The following NPFFR2 variants were observed in gnomAD, a reference collection of about 807,000 sequenced individuals.
The protein encoded by NPFFR2 is G-protein coupled receptor 74.
In NPFFR2, 15 loss-of-function variants were observed where a neutral mutation model predicts 13.1. The observed-to-expected ratio is 1.15, with a 90% CI of 0.77 to 1.76. NPFFR2 has a LOEUF of 1.76. NPFFR2 is among the 40% of genes most tolerant of loss of function. The pLI, the probability that NPFFR2 is intolerant of heterozygous loss-of-function variation, is 0.00. For synonymous variants in NPFFR2, 190 were observed against 175.7 expected (o/e 1.08, Z -0.65); for missense variants, 572 against 503.5 (o/e 1.14, Z -1.30).
At position 72,081,233 on chromosome 4, in the gene NPFFR2, A is replaced by G. The variant is rs1720608449; in HGVS notation, c.-7-47352A>G. On this transcript the variant is annotated intron_variant, in intron 1 of 3. Coordinates refer to ENST00000308744, the MANE Select transcript of NPFFR2 (RefSeq NM_004885.3). ...AAATTTTATTAAAACGATTATTCCC[A>G]TTTGTTTCTGTATCATCTGTGGCTG... Among the ~76,000 whole-genome samples the G allele has an allele frequency of 3.9e-5, 6 of 152,152 alleles. No homozygotes were observed. The South Asian group carries it at 1.2e-3, about 32-fold the overall frequency.
chr4:72,132,364 G>A (rs968538789), intron 2 of NPFFR2, among the ~76,000 whole-genome samples: 6 of 152,184 alleles, frequency 3.9e-5, no homozygotes, highest in African/African-American at 7.2e-5. Context: ...ATTCCATGGT[G>A]TATATCTACC....
chr4:72,098,983 G>T (rs1721150207), intron 1 of NPFFR2, among the ~76,000 whole-genome samples: 1 of 152,150 alleles, frequency 6.6e-6, no homozygotes, highest in Non-Finnish European at 1.5e-5. Flanking sequence ...TAGCACTGTG[G>T]TATGCAGCAT....
At chr4:72,098,823 G>A (rs1023587267) in intron 1 of NPFFR2, among the ~76,000 whole-genome samples, 6 of 152,054 alleles carry the variant, frequency 3.9e-5, no homozygotes, top group Admixed American at 1.3e-4. Context: ...ACAATATACC[G>A]TTCCATGAGG....
intron 1 of NPFFR2, among the ~76,000 whole-genome samples, chr4:72,037,699 C>T (rs1375616981): frequency 6.6e-6 from 1 of 152,164 alleles, no homozygotes; most frequent in Non-Finnish European, 1.5e-5. Flanking sequence ...CTTGGGTAGC[C>T]GTTTATATCA....
intron 1 of NPFFR2, among the ~76,000 whole-genome samples, chr4:72,047,088 G>A (rs1337594267): frequency 6.6e-6 from 1 of 152,044 alleles, no homozygotes; most frequent in Non-Finnish European, 1.5e-5. Context: ...ACAGTGAGAC[G>A]TGAGGGATGA....
rs534362383 is a variant in NPFFR2 at position 72,128,882 on chromosome 4, C to G, written c.291C>G (p.Phe97Leu). 1.2e-6 allele frequency: 2 copies of G among 1,613,720 alleles called. No homozygotes were observed. The highest frequency in any genetic ancestry group is 1.3e-5 in the African/African-American group (1 of 75,028). ...LAISDLLVGI[F>L]CMPITLLDNI... Reference sequence around the variant, plus strand: ...TAAGTGATTTACTAGTTGGCATATTCTGCATGCCTATAACACTGCTGGACA... The same window carrying G: ...TAAGTGATTTACTAGTTGGCATATTGTGCATGCCTATAACACTGCTGGACA... Residue 97 changes from phenylalanine (F) to leucine (L), a missense_variant, in exon 2 of 4, where the codon TTC becomes TTG. Physicochemically the swap from Phe to Leu is conservative, Grantham distance 22. Transcript: ENST00000308744.
chr4:72,147,634 C>T lies in NPFFR2; in HGVS notation c.1085C>T (p.Ala362Val), dbSNP rs761341005. The T allele has an allele frequency of 6.2e-7, 1 of 1,614,126 alleles. No homozygotes were observed. The highest frequency in any genetic ancestry group is 8.5e-7 in the Non-Finnish European group (1 of 1,180,026). The change falls in exon 4 of 4, where the codon GCT becomes GTT. Residue 362 changes from alanine to valine, a missense_variant. Physicochemically the swap from Ala to Val is moderately conservative, Grantham distance 64 (BLOSUM62 0). Coordinates refer to ENST00000308744, the MANE Select transcript of NPFFR2 (RefSeq NM_004885.3). Reference sequence around the variant, plus strand: ...CAAAAAAGAGCAAAGCCTATGGAAGCTTATGCCCTAAAAGCTAAAAGCCAT... The same window carrying T: ...CAAAAAAGAGCAAAGCCTATGGAAGTTTATGCCCTAAAAGCTAAAAGCCAT... ...LCQKRAKPME[A>V]YALKAKSHVL...
intron 1 of NPFFR2, among the ~76,000 whole-genome samples, chr4:72,060,332 TA>T (rs1445273053): frequency 1.3e-5 from 2 of 152,176 alleles, no homozygotes; most frequent in East Asian, 3.9e-4. Context: ...GATTCCATAA[TA>T]GCTATTGTAA....
chr4:72,074,620 G>T (rs1720372047), intron 1 of NPFFR2, among the ~76,000 whole-genome samples: 1 of 151,924 alleles, frequency 6.6e-6, no homozygotes, highest in African/African-American at 2.4e-5. Context: ...ATGGGTAAAG[G>T]GGGACTACTA....
chr4:72,044,180 C>A (rs1200022168), intron 1 of NPFFR2, among the ~76,000 whole-genome samples: 1 of 152,156 alleles, frequency 6.6e-6, no homozygotes. Context: ...GAGGCCTCCC[C>A]ACTCATGCAG....
intron 1 of NPFFR2, among the ~76,000 whole-genome samples, chr4:72,101,683 T>G (rs1721256319): frequency 6.6e-6 from 1 of 151,508 alleles, no homozygotes; most frequent in Non-Finnish European, 1.5e-5. Context: ...TTTTCCTGGG[T>G]AAAGGGGAAA....
chr4:72,105,715 CTATT>C (rs1721399920), intron 1 of NPFFR2, among the ~76,000 whole-genome samples: 3 of 151,978 alleles, frequency 2.0e-5, no homozygotes, highest in Middle Eastern at 3.4e-3. Context: ...TTTGAAGAGA[CTATT>C]TATTTATATG....
At chr4:72,051,497 G>A (rs1719580065) in intron 1 of NPFFR2, among the ~76,000 whole-genome samples, 1 of 151,208 alleles carries the variant, frequency 6.6e-6, no homozygotes, top group Admixed American at 6.6e-5. Flanking sequence ...TCAAAGCAGT[G>A]TGTAGAGGGA....
intron 1 of NPFFR2, among the ~76,000 whole-genome samples, chr4:72,054,188 A>T (rs925437649): frequency 6.6e-6 from 1 of 151,692 alleles, no homozygotes; most frequent in African/African-American, 2.4e-5. Flanking sequence ...AGAAACAACA[A>T]TTTTTTTTAA....
chr4:72,037,241 AC>A (rs756928774), intron 1 of NPFFR2, among the ~76,000 whole-genome samples: 1,884 of 149,162 alleles, frequency 0.013, 37 homozygotes, highest in African/African-American at 0.031. Flanking sequence ...AAAAAAAAAA[AC>A]AAAAAACTAG....
At chr4:72,144,988 T>C (rs926193935) in intron 3 of NPFFR2, among the ~76,000 whole-genome samples, 12 of 152,184 alleles carry the variant, frequency 7.9e-5, no homozygotes, top group Non-Finnish European at 1.6e-4. Flanking sequence ...TCTTAAATTG[T>C]AAAAATGATC....
chr4:72,103,110 T>C (rs1306787480), intron 1 of NPFFR2, among the ~76,000 whole-genome samples: 1 of 152,042 alleles, frequency 6.6e-6, no homozygotes, highest in Non-Finnish European at 1.5e-5. Flanking sequence ...ATTTGCATTT[T>C]GAATGAGGAA....
chr4:72,071,153 CTA>C (rs1026483511), intron 1 of NPFFR2, among the ~76,000 whole-genome samples: 3 of 152,170 alleles, frequency 2.0e-5, no homozygotes, highest in Non-Finnish European at 4.4e-5. Context: ...CTCCAAGAAT[CTA>C]TGTTTTCCTT....
At chr4:72,118,492 A>G (rs546253604) in intron 1 of NPFFR2, among the ~76,000 whole-genome samples, 1 of 152,286 alleles carries the variant, frequency 6.6e-6, no homozygotes, top group Non-Finnish European at 1.5e-5. Flanking sequence ...TCATGAATCT[A>G]TCTTCCAGTA....
Sources: gnomAD v4.1 joint callset for allele counts (sites outside exome capture counted in the v4.1 genomes callset) on GRCh38, gnomAD v4.1.1 for gene constraint, MANE v1.5 for transcripts, NCBI Gene and HGNC (gene_info 2026-07-23, HGNC 2026-07-21) for gene names.